The following DDX49 variants were observed in gnomAD, a reference collection of about 807,000 sequenced individuals.
The protein encoded by DDX49 is DEAD-box helicase 49, also known as probable ATP-dependent RNA helicase DDX49.
In DDX49, 50 loss-of-function variants were observed where a neutral mutation model predicts 56.3. The observed-to-expected ratio is 0.89, with a 90% CI of 0.71 to 1.12. The LOEUF (loss-of-function observed/expected upper bound fraction) is 1.12. Ranked by LOEUF, DDX49 falls within the 50% of genes most tolerant of loss-of-function variation. DDX49 has a pLI of 0.00. For missense variants in DDX49, 614 were observed against 650.5 expected (o/e 0.94, Z 0.61); for synonymous variants, 269 against 270.6 (o/e 0.99, Z 0.06).
chr19:18,924,147 T>C (rs1336038801), intron 6 of DDX49, 86 bp from the exon 7 acceptor site: 1 of 1,311,876 alleles, frequency 7.6e-7, no homozygotes, highest in African/African-American at 1.5e-5. Flanking sequence ...GCCACTGTGC[T>C]AGGTGTCTCA....
chr19:18,922,161 G>T lies in DDX49; in HGVS notation c.448-165G>T, dbSNP rs1035836622. 5 of 1,159,066 alleles carry T rather than the reference G, an allele frequency of 4.3e-6. No individual in the cohort carries two copies. The African/African-American group carries it at 6.1e-5, about 14-fold the overall frequency. The allele number at this position is 1,159,066 out of a possible 1,614,324, so 71.8% of individuals were successfully genotyped here. A position where few individuals can be genotyped will look rare whatever the true frequency, so the allele number is the denominator to read the frequency against. ...CCAGTCCTAGCAATGTTATTCGGGGGTAGGGCCTTGCTGAGACTTGGGTGA... is the reference window on the plus strand; with the variant it reads ...CCAGTCCTAGCAATGTTATTCGGGGTTAGGGCCTTGCTGAGACTTGGGTGA... On this transcript the variant is annotated intron_variant, in intron 4 of 12. Transcript: ENST00000247003.
chr19:18,925,532 GCAA>G (rs1282492023), intron 9 of DDX49, among the ~76,000 whole-genome samples: 1 of 152,204 alleles, frequency 6.6e-6, no homozygotes, highest in Non-Finnish European at 1.5e-5. Context: ...TCCAGCCTGA[GCAA>G]CAGTGTAAGA....
chr19:18,927,918 TG>T (rs2056975915), intron 11 of DDX49, 46 bp from the exon 12 acceptor site: 13 of 1,613,600 alleles, frequency 8.1e-6, no homozygotes, highest in Non-Finnish European at 1.1e-5. Flanking sequence ...CCCTTCCAGG[TG>T]GGGCCCCCGT....
intron 10 of DDX49, among the ~76,000 whole-genome samples, chr19:18,927,061 ACT>A (rs2056966798): frequency 8.6e-6 from 1 of 116,050 alleles, no homozygotes. Flanking sequence ...TGACAGTGAG[ACT>A]CTGTCTCAAA....
At chr19:18,922,551 C>T (rs2056927458) in intron 5 of DDX49, 38 bp downstream of exon 5, 1 of 1,598,154 alleles carries the variant, frequency 6.3e-7, no homozygotes, top group South Asian at 1.1e-5. Flanking sequence ...GAGGGCAGCC[C>T]CATCCTACAG....
chr19:18,920,701 C>T lies in DDX49; in HGVS notation c.237C>T (p.Thr79=), dbSNP rs756467120. The part of the protein sequence containing the change: ...YGIFCLVLTP[T]RELAYQIAEQ... ...TCTTCTGCCTCGTCCTGACACCCACCAGGTAAGCCCCCAGCAGGCCTCCTG... is the reference window on the plus strand; with the variant it reads ...TCTTCTGCCTCGTCCTGACACCCACTAGGTAAGCCCCCAGCAGGCCTCCTG... The change falls in exon 2 of 13, where the codon ACC becomes ACT. Residue 79 remains threonine, a splice_region_variant and synonymous_variant. Transcript: ENST00000247003. The T allele has an allele frequency of 1.3e-6, 2 of 1,594,784 alleles. No individual in the cohort carries two copies. Among genetic ancestry groups the T allele is most frequent in the Admixed American group, 1.7e-5 (1 of 59,628 alleles).
rs754088190 is a variant in DDX49 at position 18,928,241 on chromosome 19, T to C, written c.1377T>C (p.Ala459=). The change falls in exon 13 of 13, where the codon GCT becomes GCC. Residue 459 remains alanine (A), a synonymous_variant. Transcript: ENST00000247003. Reference sequence around the variant, plus strand: ...TGAAGCGACAGAAGGCTGGCAGGGCTGGCCACAAGGGGCGTCCACCCAGGA... The same window carrying C: ...TGAAGCGACAGAAGGCTGGCAGGGCCGGCCACAAGGGGCGTCCACCCAGGA... ...ETLKRQKAGR[A]GHKGRPPRTP... is the part of the protein sequence containing the mutation. 6.3e-7 allele frequency: 1 copy of C among 1,588,464 alleles called. No individual in the cohort carries two copies. The highest frequency in any genetic ancestry group is 8.6e-7 in the Non-Finnish European group (1 of 1,167,592).
rs2056925070 is a variant in DDX49, at chr19:18,922,385, G to A, written c.507G>A (p.Leu169=). Residue 169 remains leucine (L), a synonymous_variant, in exon 5 of 13, where the codon CTG becomes CTA. Coordinates refer to ENST00000247003, the MANE Select transcript of DDX49 (RefSeq NM_019070.5). ...EQGCTDFTVD[L]EAILAAVPAR... ...GCTGCACTGACTTCACCGTGGACCT[G>A]GAGGCCATCCTGGCGGCTGTGCCGG... The A allele has an allele frequency of 1.2e-6, 2 of 1,611,792 alleles. No homozygotes were observed. The highest frequency in any genetic ancestry group is 1.7e-6 in the Non-Finnish European group (2 of 1,179,766).
rs188354686 is a variant in DDX49, at chr19:18,922,321, G to A, written c.448-5G>A. The A allele has an allele frequency of 3.0e-4, 477 of 1,609,430 alleles. No homozygotes were observed. The African/African-American group carries it at 4.9e-3, about 16-fold the overall frequency. ...CCCTCACCCCTGCCCCCATTGGCAC[G>A]GCAGGTGATGGATGAGGCAGACCGG... On this transcript the variant is annotated splice_polypyrimidine_tract_variant and splice_region_variant and intron_variant, in intron 4 of 12. Coordinates refer to ENST00000247003, the MANE Select transcript of DDX49 (RefSeq NM_019070.5).
Position 18,922,690 on chromosome 19 carries a change from G to C in DDX49, c.722G>C (p.Arg241Pro). ...GCCTACCTGGTCCACCTGATCCAGC[G>C]CTTCCAGGATGAGCACGAGGACTGG... ...KDAYLVHLIQ[R>P]FQDEHEDWSI... Residue 241 changes from arginine (R) to proline (P), a missense_variant, in exon 6 of 13, where the codon CGC (arginine) becomes CCC (proline). Transcript: ENST00000247003. 6.2e-7 allele frequency: 1 copy of C among 1,614,034 alleles called. No homozygotes were observed. The highest frequency in any genetic ancestry group is 1.1e-5 in the South Asian group (1 of 91,092).
At chr19:18,923,728 T>A (rs1264823180) in intron 6 of DDX49, among the ~76,000 whole-genome samples, 3 of 151,278 alleles carry the variant, frequency 2.0e-5, no homozygotes, top group Non-Finnish European at 4.4e-5. Flanking sequence ...CAGGGCCAAC[T>A]CTTGTCAGTT....
At position 18,919,775 on chromosome 19, in the gene DDX49, T is replaced by G; in HGVS notation, c.34T>G (p.Trp12Gly). 1 of 1,612,730 alleles carries G rather than the reference T, an allele frequency of 6.2e-7. No homozygotes were observed. Among genetic ancestry groups the G allele is most frequent in the Non-Finnish European group, 8.5e-7 (1 of 1,179,228 alleles). ...CTTCGCGGAGCTCGGGCTGTCATCGTGGCTCGTGGAACAATGTCGGCAGCT... is the reference window on the plus strand; with the variant it reads ...CTTCGCGGAGCTCGGGCTGTCATCGGGGCTCGTGGAACAATGTCGGCAGCT... ...AGFAELGLSS[W>G]LVEQCRQLGL... Residue 12 changes from tryptophan to glycine, a missense_variant, in exon 1 of 13, where the codon TGG (tryptophan) becomes GGG (glycine). Trp to Gly is a radical substitution (Grantham distance 184). Transcript: ENST00000247003.
intron 6 of DDX49, among the ~76,000 whole-genome samples, chr19:18,923,794 A>G (rs1011664360): frequency 6.9e-6 from 1 of 145,578 alleles, no homozygotes; most frequent in African/African-American, 2.5e-5. Context: ...CCGTCTGTCA[A>G]CCCTCATCCT....
rs574266901 is a variant in DDX49 at position 18,922,293 on chromosome 19, G to T, written c.448-33G>T. 29 of 1,596,536 alleles carry T rather than the reference G, an allele frequency of 1.8e-5. No individual in the cohort carries two copies. In the South Asian group the frequency reaches 2.9e-4, roughly 16 times the overall value. Reference sequence around the variant, plus strand: ...TGGCCAAGACCCGGGGCCATGGACGGCACCCTCACCCCTGCCCCCATTGGC... The same window carrying T: ...TGGCCAAGACCCGGGGCCATGGACGTCACCCTCACCCCTGCCCCCATTGGC... On this transcript the variant is annotated intron_variant, in intron 4 of 12. Coordinates refer to ENST00000247003, the MANE Select transcript of DDX49 (RefSeq NM_019070.5).
At chr19:18,927,466 A>G (rs1451712505) in intron 10 of DDX49, among the ~76,000 whole-genome samples, 2 of 151,426 alleles carry the variant, frequency 1.3e-5, no homozygotes, top group Non-Finnish European at 2.9e-5. Context: ...GCTAACACCG[A>G]AAAAAAATGG....
intron 7 of DDX49, 24 bp from the exon 8 acceptor site, chr19:18,924,599 A>C: frequency 3.7e-6 from 6 of 1,613,792 alleles, no homozygotes; most frequent in Middle Eastern, 1.6e-4. Context: ...ATGCATTCCC[A>C]ATTTTCTTCC....
Position 18,922,755 on chromosome 19 carries a change from C to CCCGCCTCTCCCCTCCCA in DDX49, c.776+17_776+33dup, listed in dbSNP as rs1291751760. The stretch of plus-strand genomic sequence containing the variant: ...CACCAACACGTGCAAGTGAGCGGGG[C>CCCGCCTCTCCCCTCCCA]CCGCCTCTCCCCTCCCACCGCCCTT... On this transcript the variant is annotated intron_variant, in intron 6 of 12. Transcript: ENST00000247003. 2.5e-6 allele frequency: 4 copies of CCCGCCTCTCCCCTCCCA among 1,606,662 alleles called. No individual in the cohort carries two copies. The highest frequency in any genetic ancestry group is 1.7e-6 in the Non-Finnish European group (2 of 1,174,804).
intron 10 of DDX49, 167 bp from the exon 11 acceptor site, chr19:18,927,599 C>T (rs534493124): frequency 2.4e-5 from 15 of 614,748 alleles, no homozygotes; most frequent in Admixed American, 7.7e-5. Context: ...GCGGTCCATA[C>T]CTTCCTTACC....
chr19:18,928,194 AAGG>A lies in DDX49; in HGVS notation c.1333_1335del (p.Glu445del), dbSNP rs763138524. The A allele has an allele frequency of 3.8e-5, 60 of 1,585,768 alleles. No individual in the cohort carries two copies. Among genetic ancestry groups the A allele is most frequent in the Non-Finnish European group, 4.8e-5 (56 of 1,166,156 alleles). ...GATCAAGCAGAAGAACCGGCGCTTCAAGGAGAAGGTGGAGGAGACGCTGAAGCG... is the reference window on the plus strand; with the variant it reads ...GATCAAGCAGAAGAACCGGCGCTTCAAGAAGGTGGAGGAGACGCTGAAGCG... On this transcript the variant is annotated inframe_deletion, in exon 13 of 13. Transcript: ENST00000247003.
Sources: allele counts gnomAD v4.1 joint callset (sites outside exome capture counted in the v4.1 genomes callset), GRCh38; gene constraint gnomAD v4.1.1; transcripts MANE v1.5; gene names NCBI Gene and HGNC (gene_info 2026-07-23, HGNC 2026-07-21).